ROBO2: variants seen among roughly 807,000 people sequenced by gnomAD.
ROBO2 encodes the protein roundabout homolog 2.
Under a neutral mutation model 160.8 loss-of-function variants are expected in ROBO2, and 53 were observed. The observed-to-expected ratio is 0.33, with a 90% CI of 0.26 to 0.41. The LOEUF is 0.41. ROBO2 is among the 10% of genes least tolerant of loss of function. ROBO2 has a pLI of 1.00. For missense variants in ROBO2, 1,577 were observed against 1,722.4 expected (o/e 0.92, Z 1.49); for synonymous variants, 664 against 611.7 (o/e 1.09, Z -1.26).
At chr3:77,400,671 T>C (rs1438147272) in intron 2 of ROBO2, among the ~76,000 whole-genome samples, 2 of 152,196 alleles carry the variant, frequency 1.3e-5, no homozygotes, top group Non-Finnish European at 2.9e-5. Flanking sequence ...TTGTAATCGT[T>C]CAAGAATCCC....
chr3:77,355,228 C>T (rs1416604838), intron 2 of ROBO2, among the ~76,000 whole-genome samples: 1 of 147,676 alleles, frequency 6.8e-6, no homozygotes, highest in Admixed American at 6.7e-5. Flanking sequence ...AACCCTTCTT[C>T]CCATCTGCAT....
At chr3:77,539,980 C>T (rs2092380032) in intron 6 of ROBO2, among the ~76,000 whole-genome samples, 1 of 152,140 alleles carries the variant, frequency 6.6e-6, no homozygotes, top group Non-Finnish European at 1.5e-5. Context: ...AATGCTGGAG[C>T]TAGTTTGGGG....
At chr3:76,640,604 T>C (rs994510198) in intron 2 of ROBO2, among the ~76,000 whole-genome samples, 6 of 149,968 alleles carry the variant, frequency 4.0e-5, no homozygotes, top group Non-Finnish European at 7.4e-5. Flanking sequence ...TGAGTGTGTG[T>C]GTGTGTGTGT....
At chr3:76,399,167 T>C (rs531363837) in intron 2 of ROBO2, among the ~76,000 whole-genome samples, 3 of 151,668 alleles carry the variant, frequency 2.0e-5, no homozygotes, top group Admixed American at 6.6e-5. Context: ...GAAACAAAAT[T>C]TTTTATATTG....
At position 77,214,976 on chromosome 3, in the gene ROBO2, T is replaced by A. The variant is rs549640123; in HGVS notation, c.388+116636T>A. Among the ~76,000 whole-genome samples, 751 of 152,320 alleles carry A rather than the reference T, an allele frequency of 4.9e-3. 3 individuals are homozygous for A. Among genetic ancestry groups the A allele is most frequent in the Non-Finnish European group, 8.7e-3 (594 of 68,034 alleles). ...TGTTAGTCTGATGGGCTTCCCTTTG[T>A]GGGTAACCCGACCTTTCTCTCTGGC... On this transcript the variant is annotated intron_variant, in intron 2 of 25. Coordinates refer to ENST00000461745, the Ensembl canonical transcript of ROBO2.
intron 2 of ROBO2, among the ~76,000 whole-genome samples, chr3:76,786,776 A>G (rs2063005690): frequency 6.6e-6 from 1 of 151,282 alleles, no homozygotes; most frequent in Non-Finnish European, 1.5e-5. Flanking sequence ...CAACTACTCA[A>G]CTCTTCAATT....
intron 2 of ROBO2, among the ~76,000 whole-genome samples, chr3:76,466,305 G>T (rs1329086136): frequency 6.6e-6 from 1 of 151,666 alleles, no homozygotes; most frequent in African/African-American, 2.4e-5. Flanking sequence ...AATTTCTATT[G>T]TTTTCTTTTA....
intron 2 of ROBO2, among the ~76,000 whole-genome samples, chr3:76,547,821 A>T (rs1280913717): frequency 6.6e-6 from 1 of 152,120 alleles, no homozygotes; most frequent in African/African-American, 2.4e-5. Flanking sequence ...CAACAGCATT[A>T]TCTCTAGGGT....
intron 2 of ROBO2, among the ~76,000 whole-genome samples, chr3:77,408,275 T>G (rs1243598083): frequency 2.0e-5 from 3 of 152,172 alleles, no homozygotes; most frequent in African/African-American, 7.2e-5. Context: ...CACTAAATTG[T>G]TTGTGCGTGT....
intron 2 of ROBO2, among the ~76,000 whole-genome samples, chr3:76,530,291 T>C (rs762164465): frequency 3.9e-5 from 6 of 152,188 alleles, no homozygotes; most frequent in Non-Finnish European, 7.3e-5. Flanking sequence ...ACACATGATT[T>C]TGGATTCTCC....
rs1414300648 is a variant in ROBO2 at position 76,251,707 on chromosome 3, TG to T, written c.109+314106del. Among the ~76,000 whole-genome samples, 129 of 152,208 alleles carry T rather than the reference TG, an allele frequency of 8.5e-4. No individual in the cohort carries two copies. The Middle Eastern group carries it at 0.014, about 16-fold the overall frequency. The stretch of plus-strand genomic sequence containing the variant: ...AGAAATTAAAAGAAACAGTCAAAGA[TG>T]TAAATAAGGAACATTCAGTTAAGAT... On this transcript the variant is annotated intron_variant, in intron 2 of 26. Coordinates refer to the ROBO2 transcript ENST00000487694.
intron 2 of ROBO2, among the ~76,000 whole-genome samples, chr3:76,173,379 T>C (rs184185791): frequency 1.3e-5 from 2 of 152,144 alleles, no homozygotes; most frequent in Admixed American, 6.6e-5. Context: ...CTGGGATACA[T>C]GTGCTGGACT....
intron 2 of ROBO2, among the ~76,000 whole-genome samples, chr3:76,693,415 T>A (rs777809288): frequency 2.6e-5 from 4 of 151,262 alleles, no homozygotes; most frequent in African/African-American, 9.7e-5. Flanking sequence ...ACTATATATA[T>A]ACACTACATA....
At chr3:76,836,980 C>G (rs150249641) in intron 2 of ROBO2, among the ~76,000 whole-genome samples, 4 of 151,280 alleles carry the variant, frequency 2.6e-5, no homozygotes, top group African/African-American at 9.7e-5. Flanking sequence ...TTTAAAGGGG[C>G]GTTAAAATAT....
intron 2 of ROBO2, among the ~76,000 whole-genome samples, chr3:76,391,563 T>C (rs2077154387): frequency 6.6e-6 from 1 of 152,000 alleles, no homozygotes; most frequent in Non-Finnish European, 1.5e-5. Context: ...TTGCCCAGGC[T>C]GGAGTGTGAG....
At chr3:75,968,487 A>G (rs1214903811) in intron 2 of ROBO2, among the ~76,000 whole-genome samples, 2 of 151,584 alleles carry the variant, frequency 1.3e-5, no homozygotes, top group Non-Finnish European at 3.0e-5. Context: ...ACTTATTTTC[A>G]TGGTACATAT....
intron 2 of ROBO2, among the ~76,000 whole-genome samples, chr3:76,580,891 A>G (rs2085660556): frequency 6.6e-6 from 1 of 152,136 alleles, no homozygotes; most frequent in South Asian, 2.1e-4. Flanking sequence ...CTAGTTTTAT[A>G]TTTCTGGAAG....
chr3:77,320,377 G>A (rs1334375681), intron 2 of ROBO2, among the ~76,000 whole-genome samples: 5 of 152,020 alleles, frequency 3.3e-5, no homozygotes, highest in Non-Finnish European at 5.9e-5. Context: ...TGGCCTTTGG[G>A]GAATGACAGT....
chr3:76,089,888 C>T (rs2069160804), intron 2 of ROBO2, among the ~76,000 whole-genome samples: 1 of 152,000 alleles, frequency 6.6e-6, no homozygotes, highest in African/African-American at 2.4e-5. Context: ...TAAAACTTTC[C>T]TTGTTTGCAG....
Sources: allele counts gnomAD v4.1 joint callset (sites outside exome capture counted in the v4.1 genomes callset), GRCh38; gene constraint gnomAD v4.1.1; transcripts MANE v1.5; gene names NCBI Gene and HGNC (gene_info 2026-07-23, HGNC 2026-07-21).